The following SLC36A2 variants were observed in gnomAD, a reference collection of about 807,000 sequenced individuals.
The protein encoded by SLC36A2 is solute carrier family 36 member 2, also known as proton-coupled amino acid transporter 2.
In SLC36A2, 39 loss-of-function variants were observed where a neutral mutation model predicts 42.7. That is an observed-to-expected ratio of 0.91 (90% CI 0.71 to 1.19). The LOEUF (loss-of-function observed/expected upper bound fraction) is 1.19. Among genes scored for constraint, SLC36A2 ranks in the 50% most tolerant of loss-of-function variants. SLC36A2 has a pLI of 0.00. For missense variants in SLC36A2, 590 were observed against 613.7 expected (o/e 0.96, Z 0.41); for synonymous variants, 237 against 240.8 (o/e 0.98, Z 0.15).
intron 8 of SLC36A2, 142 bp downstream of exon 8, chr5:151,325,144 A>C: frequency 1.1e-6 from 1 of 944,312 alleles, no homozygotes; most frequent in Non-Finnish European, 1.6e-6. Flanking sequence ...GAATCTGGAG[A>C]CCGTGGTTCC....
At chr5:151,336,143 C>A (rs1756149788) in intron 5 of SLC36A2, among the ~76,000 whole-genome samples, 1 of 152,120 alleles carries the variant, frequency 6.6e-6, no homozygotes, top group Admixed American at 6.5e-5. Context: ...TTGGTGAGTT[C>A]TTTCTTGTCA....
chr5:151,334,927 G>C (rs1459827157), intron 6 of SLC36A2, among the ~76,000 whole-genome samples: 2 of 145,762 alleles, frequency 1.4e-5, no homozygotes. Flanking sequence ...TTTTTTTCTT[G>C]CCTTCCTATT....
At chr5:151,336,811 T>TTGCAGACAAG (rs1756172359) in intron 5 of SLC36A2, among the ~76,000 whole-genome samples, 1 of 150,892 alleles carries the variant, frequency 6.6e-6, no homozygotes, top group Admixed American at 6.7e-5. Context: ...GCAATACAAA[T>TTGCAGACAAG]CACTGCAGAA....
chr5:151,323,279 A>ATAAATAAG (rs1755752135), intron 8 of SLC36A2, among the ~76,000 whole-genome samples: 1 of 150,064 alleles, frequency 6.7e-6, no homozygotes, highest in East Asian at 1.9e-4. Flanking sequence ...AAATAAATAA[A>ATAAATAAG]TAAATAAATG....
At chr5:151,325,042 CTCT>C (rs1755811949) in intron 8 of SLC36A2, 2 of 549,328 alleles carry the variant, frequency 3.6e-6, no homozygotes, top group Admixed American at 2.7e-5. Context: ...CTTGTGTCCT[CTCT>C]TCTTAAGTCA....
intron 8 of SLC36A2, among the ~76,000 whole-genome samples, chr5:151,323,027 C>G (rs994377582): frequency 6.6e-6 from 1 of 152,012 alleles, no homozygotes; most frequent in African/African-American, 2.4e-5. Flanking sequence ...CCTGAGGTCA[C>G]GAATTTGAGA....
intron 7 of SLC36A2, among the ~76,000 whole-genome samples, chr5:151,332,874 C>A (rs766931645): frequency 1.1e-4 from 17 of 152,226 alleles, no homozygotes; most frequent in Non-Finnish European, 1.8e-4. Flanking sequence ...AAATACAGAA[C>A]TTTCCAGGTT....
In SLC36A2 at chr5:151,342,989, GGA is replaced by G. The variant is rs1756390728; in HGVS notation, c.345-8_345-7del. 1 of 1,611,282 alleles carries G rather than the reference GGA, an allele frequency of 6.2e-7. No individual in the cohort carries two copies. The highest frequency in any genetic ancestry group is 8.5e-7 in the Non-Finnish European group (1 of 1,177,458). ...CCATAAAGGGCTTGTTAAGCCTGCA[GGA>G]GAGAGTGCATAAACGGTTTCCAAGA... On this transcript the variant is annotated splice_region_variant and splice_polypyrimidine_tract_variant and intron_variant, in intron 3 of 9. Transcript: ENST00000335244.
intron 4 of SLC36A2, among the ~76,000 whole-genome samples, chr5:151,341,754 C>T (rs1336826184): frequency 6.6e-6 from 1 of 152,160 alleles, no homozygotes; most frequent in Admixed American, 6.5e-5. Flanking sequence ...CTGATGACTT[C>T]AGTTCTGGAT....
intron 5 of SLC36A2, among the ~76,000 whole-genome samples, chr5:151,336,219 C>T (rs1756151297): frequency 6.6e-6 from 1 of 152,126 alleles, no homozygotes; most frequent in South Asian, 2.1e-4. Flanking sequence ...TAGCCTTTGA[C>T]TCAAGCTGGG....
Position 151,317,037 on chromosome 5 carries a change from C to A in SLC36A2, c.1232G>T (p.Gly411Val). 6.2e-7 allele frequency: 1 copy of A among 1,614,066 alleles called. No homozygotes were observed. The highest frequency in any genetic ancestry group is 8.5e-7 in the Non-Finnish European group (1 of 1,180,020). ...PRLDLVISLV[G>V]SVSGTALALI... ...GGCCAGGGCGGTGCCACTCACGGAGCCCACCAGGGAGATGACCAGGTCCAG... is the reference window on the plus strand; with the variant it reads ...GGCCAGGGCGGTGCCACTCACGGAGACCACCAGGGAGATGACCAGGTCCAG... Residue 411 changes from glycine to valine, a missense_variant, in exon 10 of 10, where the codon GGC becomes GTC. Transcript: ENST00000335244.
chr5:151,333,951 T>G (rs908795372), intron 6 of SLC36A2, among the ~76,000 whole-genome samples: 1 of 152,232 alleles, frequency 6.6e-6, no homozygotes, highest in Non-Finnish European at 1.5e-5. Flanking sequence ...TGTTGGAAAT[T>G]CCTGTGACTG....
intron 1 of SLC36A2, among the ~76,000 whole-genome samples, chr5:151,345,303 G>C (rs1463988383): frequency 1.3e-5 from 2 of 152,156 alleles, no homozygotes; most frequent in Non-Finnish European, 2.9e-5. Context: ...AAAGGAGCCC[G>C]GTCTCTGGGA....
intron 1 of SLC36A2, among the ~76,000 whole-genome samples, chr5:151,345,771 T>G (rs1384064191): frequency 6.6e-6 from 1 of 152,232 alleles, no homozygotes; most frequent in African/African-American, 2.4e-5. Context: ...CGGTAAGTCA[T>G]GCAAAGCACC....
At chr5:151,320,453 G>A (rs1755653770) in intron 9 of SLC36A2, among the ~76,000 whole-genome samples, 1 of 152,002 alleles carries the variant, frequency 6.6e-6, no homozygotes, top group Non-Finnish European at 1.5e-5. Flanking sequence ...AAGAAAATGT[G>A]GTTTCTACGT....
intron 9 of SLC36A2, among the ~76,000 whole-genome samples, chr5:151,320,206 C>T (rs1156774276): frequency 6.6e-6 from 1 of 151,668 alleles, no homozygotes; most frequent in Non-Finnish European, 1.5e-5. Flanking sequence ...TATTTGTAAT[C>T]TGTGTGAAGC....
At chr5:151,317,194 G>C in intron 9 of SLC36A2, 106 bp from the exon 10 acceptor site, 1 of 1,437,930 alleles carries the variant, frequency 7.0e-7, no homozygotes, top group African/African-American at 1.4e-5. Context: ...GCTCACACTT[G>C]TAATCCCAGC....
chr5:151,335,212 GTC>G (rs1756116409), intron 6 of SLC36A2, 115 bp downstream of exon 6: 1 of 727,944 alleles, frequency 1.4e-6, no homozygotes, highest in Admixed American at 2.0e-5. Flanking sequence ...TGAGATGCAT[GTC>G]TCTCATAACA....
At chr5:151,341,886 C>T (rs113199958) in intron 4 of SLC36A2, among the ~76,000 whole-genome samples, 1,581 of 152,218 alleles carry the variant, frequency 0.01, 17 homozygotes, top group Non-Finnish European at 0.017. Context: ...GAGTCAATCT[C>T]GACTCTTCCT....
Sources: gnomAD v4.1 joint callset for allele counts (sites outside exome capture counted in the v4.1 genomes callset) on GRCh38, gnomAD v4.1.1 for gene constraint, MANE v1.5 for transcripts, NCBI Gene and HGNC (gene_info 2026-07-23, HGNC 2026-07-21) for gene names.